Variants in ASH2L observed in about 807,000 individuals in gnomAD.
The protein encoded by ASH2L is set1/Ash2 histone methyltransferase complex subunit ASH2.
Under a neutral mutation model 81.1 loss-of-function variants are expected in ASH2L, and 30 were observed. The ratio of observed to expected loss-of-function variants is 0.37; its 90% confidence interval spans 0.28 to 0.50. The LOEUF is 0.50. ASH2L is among the 20% of genes least tolerant of loss of function. The pLI is 0.95. For synonymous variants in ASH2L, 273 were observed against 279.9 expected (o/e 0.98, Z 0.24); for missense variants, 559 against 792.1 (o/e 0.71, Z 3.53).
intron 13 of ASH2L, among the ~76,000 whole-genome samples, chr8:38,134,484 C>T (rs530461888): frequency 2.0e-5 from 3 of 152,144 alleles, no homozygotes; most frequent in Non-Finnish European, 2.9e-5. Flanking sequence ...GGAGCTGTAA[C>T]GTCTCACTCA....
chr8:38,119,115 T>C (rs1365808741), intron 8 of ASH2L, 155 bp from the exon 9 acceptor site: 3 of 663,094 alleles, frequency 4.5e-6, no homozygotes, highest in Non-Finnish European at 7.7e-6. Context: ...GTAGATTCTT[T>C]GAAAACTAGG....
intron 6 of ASH2L, 128 bp from the exon 7 acceptor site, chr8:38,114,777 G>T (rs897879091): frequency 1.6e-6 from 1 of 629,282 alleles, no homozygotes; most frequent in Non-Finnish European, 2.8e-6. Flanking sequence ...TTTCTTAGAA[G>T]GAAAAACGAT....
chr8:38,110,597 A>AT, intron 4 of ASH2L, 130 bp downstream of exon 4: 2 of 1,130,450 alleles, frequency 1.8e-6, no homozygotes, highest in Non-Finnish European at 2.6e-6. Context: ...GCTCTGAATA[A>AT]TTGCAATTGC....
In ASH2L at chr8:38,139,994, C is replaced by G. The variant is rs939259569; in HGVS notation, c.*923C>G. On this transcript the variant is annotated 3_prime_UTR_variant, in exon 16 of 16. Transcript: ENST00000343823. ...GCGGGTGGTTTCCTGTCTTGCTTAT[C>G]TTCCTTTGCCCTGAGCTGATGGCTA... 6.6e-6 allele frequency: 1 copy of G among 152,214 alleles called. No individual in the cohort carries two copies. The highest frequency in any genetic ancestry group is 1.5e-5 in the Non-Finnish European group (1 of 68,074). The allele number at this position is 152,214 out of a possible 1,614,324, so 9.4% of individuals were successfully genotyped here.
chr8:38,128,600 C>T, intron 11 of ASH2L, 142 bp downstream of exon 11: 2 of 1,450,962 alleles, frequency 1.4e-6, no homozygotes, highest in South Asian at 1.4e-5. Context: ...GTTTGCTATT[C>T]CCGGGATATT....
At chr8:38,126,860 G>A (rs11775305) in intron 10 of ASH2L, among the ~76,000 whole-genome samples, 51 of 18,712 alleles carry the variant, frequency 2.7e-3, no homozygotes, top group South Asian at 5.7e-3. Flanking sequence ...TCTCAAAAAA[G>A]AAAGAAAGTT....
At chr8:38,133,667 A>G in intron 13 of ASH2L, 121 bp downstream of exon 13, 2 of 738,676 alleles carry the variant, frequency 2.7e-6, no homozygotes, top group Non-Finnish European at 4.4e-6. Context: ...TGGTAGCCCC[A>G]CTGGCCAGCG....
At chr8:38,121,338 TATATATATATATATATATATATA>T (rs1811138995) in intron 10 of ASH2L, among the ~76,000 whole-genome samples, 189 bp downstream of exon 10, 17 of 112,920 alleles carry the variant, frequency 1.5e-4, no homozygotes, top group Non-Finnish European at 2.1e-4. Flanking sequence ...TTTATTTATA[TATATATATATATATATATATATA>T]TATATATATA....
chr8:38,123,503 A>C (rs1244401481), intron 10 of ASH2L, among the ~76,000 whole-genome samples: 1 of 152,192 alleles, frequency 6.6e-6, no homozygotes, highest in African/African-American at 2.4e-5. Context: ...AACTTAGATT[A>C]GTTCTTTTCT....
intron 1 of ASH2L, 85 bp downstream of exon 1, chr8:38,105,823 C>T (rs1810398176): frequency 2.1e-6 from 3 of 1,462,894 alleles, no homozygotes; most frequent in African/African-American, 2.9e-5. Flanking sequence ...CTGCCGCCCG[C>T]CCCCTGCGAA....
chr8:38,130,227 C>CTTTTTTT (rs71216650), intron 12 of ASH2L, among the ~76,000 whole-genome samples: 24 of 86,208 alleles, frequency 2.8e-4, no homozygotes, highest in East Asian at 6.5e-4. Context: ...CTTCTCTGTT[C>CTTTTTTT]TTTTTTTTTT....
intron 3 of ASH2L, among the ~76,000 whole-genome samples, chr8:38,109,609 G>A (rs1810598944): frequency 6.6e-6 from 1 of 152,122 alleles, no homozygotes; most frequent in South Asian, 2.1e-4. Flanking sequence ...CTGCCATATT[G>A]TCTTTCCCCT....
At chr8:38,108,769 C>T (rs1266915070) in intron 3 of ASH2L, among the ~76,000 whole-genome samples, 2 of 150,648 alleles carry the variant, frequency 1.3e-5, no homozygotes, top group South Asian at 2.1e-4. Flanking sequence ...CCAGCCTGGG[C>T]GACAGTGAGA....
At chr8:38,133,367 TTAACAC>T in intron 12 of ASH2L, 81 bp from the exon 13 acceptor site, 1 of 862,162 alleles carries the variant, frequency 1.2e-6, no homozygotes, top group Non-Finnish European at 1.9e-6. Flanking sequence ...GCTCAAGGGG[TTAACAC>T]TATTTGTGTG....
At position 38,119,678 on chromosome 8, in the gene ASH2L, G is replaced by C. The variant is rs1053344273; in HGVS notation, c.947+315G>C. ...AAATTAGGCAGGTGTAGTGGTGAGC[G>C]CCTGTAATCCCAGCTACTTGGGAGG... On this transcript the variant is annotated intron_variant, in intron 9 of 15. Transcript: ENST00000343823. 2.0e-5 allele frequency among the ~76,000 whole-genome samples: 3 copies of C among 152,072 alleles called. No individual in the cohort carries two copies. The East Asian group carries it at 5.8e-4, about 29-fold the overall frequency.
chr8:38,127,970 C>T (rs1309657518), intron 10 of ASH2L, among the ~76,000 whole-genome samples: 7 of 150,370 alleles, frequency 4.7e-5, no homozygotes, highest in Non-Finnish European at 1.0e-4. Context: ...TGCTTGAACC[C>T]GGGAGGTGGA....
rs182887402 is a variant in ASH2L, at chr8:38,119,737, G to A, written c.947+374G>A. 3.3e-3 allele frequency among the ~76,000 whole-genome samples: 490 copies of A among 150,594 alleles called. 1 individual carries two copies. The highest frequency in any genetic ancestry group is 0.011 in the African/African-American group (432 of 41,006). On this transcript the variant is annotated intron_variant, in intron 9 of 15. Transcript: ENST00000343823. ...GGAGAATCGCTTGAACCTGGGAGGC[G>A]GGTGGCAGTGAGCCAAGATCATGCC...
intron 13 of ASH2L, among the ~76,000 whole-genome samples, chr8:38,135,261 A>G (rs1160288879): frequency 6.6e-6 from 1 of 152,184 alleles, no homozygotes; most frequent in African/African-American, 2.4e-5. Context: ...CAGTCTGGGC[A>G]ATACAGTGAG....
intron 3 of ASH2L, 65 bp from the exon 4 acceptor site, chr8:38,110,312 TAA>T: frequency 7.8e-7 from 1 of 1,286,566 alleles, no homozygotes; most frequent in Non-Finnish European, 1.1e-6. Flanking sequence ...AGCCTGTCTT[TAA>T]AAAAAGAAAA....
Sources: gnomAD v4.1 joint callset for allele counts (sites outside exome capture counted in the v4.1 genomes callset) on GRCh38, gnomAD v4.1.1 for gene constraint, MANE v1.5 for transcripts, NCBI Gene and HGNC (gene_info 2026-07-23, HGNC 2026-07-21) for gene names.